The following RCOR1 variants were observed in gnomAD, a reference collection of about 807,000 sequenced individuals.
RCOR1 encodes the protein REST corepressor.
Under a neutral mutation model 64.0 loss-of-function variants are expected in RCOR1, and 12 were observed. The observed-to-expected ratio is 0.19, with a 90% CI of 0.12 to 0.30. The LOEUF (loss-of-function observed/expected upper bound fraction) is 0.30. Ranked by LOEUF, RCOR1 falls within the 10% of genes least tolerant of loss-of-function variation. RCOR1 has a pLI of 1.00. For synonymous variants in RCOR1, 279 were observed against 227.2 expected, an observed-to-expected ratio of 1.23 and a Z score of -2.05; for missense variants, 502 against 621.2, an observed-to-expected ratio of 0.81 and a Z score of 2.04.
At chr14:102,598,265 T>G (rs1041723380) in intron 2 of RCOR1, among the ~76,000 whole-genome samples, 7 of 152,152 alleles carry the variant, frequency 4.6e-5, no homozygotes, top group Non-Finnish European at 8.8e-5. Flanking sequence ...CTGATTTTTT[T>G]GTCAGATTTT....
intron 4 of RCOR1, among the ~76,000 whole-genome samples, chr14:102,702,865 T>A (rs1895778148): frequency 6.6e-6 from 1 of 152,058 alleles, no homozygotes; most frequent in Admixed American, 6.5e-5. Context: ...TAGAAAAAAA[T>A]TAATCAACAG....
chr14:102,695,114 T>C (rs989159449), intron 3 of RCOR1, among the ~76,000 whole-genome samples: 18 of 152,232 alleles, frequency 1.2e-4, no homozygotes, highest in African/African-American at 4.3e-4. Context: ...GCAATTTTCA[T>C]CTGCATTTCT....
chr14:102,593,654 C>T (rs902966400), intron 2 of RCOR1, among the ~76,000 whole-genome samples: 1 of 152,202 alleles, frequency 6.6e-6, no homozygotes, highest in Non-Finnish European at 1.5e-5. Context: ...AGCTGCGCCT[C>T]GGCCAGGGGT....
intron 8 of RCOR1, among the ~76,000 whole-genome samples, chr14:102,717,433 GCTT>G (rs765807952): frequency 6.6e-5 from 10 of 152,220 alleles, no homozygotes; most frequent in Non-Finnish European, 1.5e-4. Context: ...CAGAGGAGCG[GCTT>G]CTTCTTGTGG....
In RCOR1 at chr14:102,625,493, C is replaced by T. The variant is rs1000146423; in HGVS notation, c.361+32168C>T. On this transcript the variant is annotated intron_variant, in intron 2 of 11. Transcript: ENST00000262241. ...CAGGTAATCTCCCCGCTTCGGCCTC[C>T]CAAAGTGCTGGGATTACAGGCATGA... 3.3e-5 allele frequency among the ~76,000 whole-genome samples: 5 copies of T among 151,652 alleles called. No homozygotes were observed. The East Asian group carries it at 9.6e-4, about 29-fold the overall frequency.
chr14:102,687,583 TG>T (rs1044188575), intron 3 of RCOR1, among the ~76,000 whole-genome samples: 1 of 152,094 alleles, frequency 6.6e-6, no homozygotes. Flanking sequence ...ATTAGAACAA[TG>T]AGTTTAAATA....
At chr14:102,692,952 G>C (rs528674888) in intron 3 of RCOR1, among the ~76,000 whole-genome samples, 24 of 151,922 alleles carry the variant, frequency 1.6e-4, no homozygotes, top group Non-Finnish European at 3.5e-4. Flanking sequence ...TTTTAGTAGA[G>C]TTGGGGTTTC....
In RCOR1 at chr14:102,625,533, C is replaced by CT. The variant is rs1349751482; in HGVS notation, c.361+32223dup. On this transcript the variant is annotated intron_variant, in intron 2 of 11. Transcript: ENST00000262241. ...TACAGGCATGAGCAACCGCGCCTGG[C>CT]TTTTTTTTTTTTTTTAAATAGAGAC... Among the ~76,000 whole-genome samples, 337 of 138,562 alleles carry CT rather than the reference C, an allele frequency of 2.4e-3. 1 individual carries two copies. The highest frequency in any genetic ancestry group is 0.011 in the Middle Eastern group (3 of 262). The allele number at this position is 138,562 out of a possible 152,430, so 90.9% of individuals were successfully genotyped here.
chr14:102,682,264 GGA>G (rs914782152), intron 3 of RCOR1, among the ~76,000 whole-genome samples: 30 of 152,066 alleles, frequency 2.0e-4, no homozygotes, highest in African/African-American at 7.2e-4. Flanking sequence ...TGAATAGCTG[GGA>G]TTACAGGCAC....
intron 2 of RCOR1, among the ~76,000 whole-genome samples, chr14:102,599,295 G>T (rs1161126348): frequency 6.6e-6 from 1 of 151,936 alleles, no homozygotes; most frequent in African/African-American, 2.4e-5. Context: ...TGCCTGACTA[G>T]TTTTTTTGTA....
At chr14:102,668,703 AT>A (rs201090532) in intron 2 of RCOR1, among the ~76,000 whole-genome samples, 3,548 of 151,694 alleles carry the variant, frequency 0.023, 132 homozygotes, top group African/African-American at 0.076. Context: ...GTAAGTTAAG[AT>A]TTTTTTTTAA....
intron 2 of RCOR1, chr14:102,659,121 C>A (rs908294239): frequency 1.0e-6 from 1 of 984,984 alleles, no homozygotes; most frequent in East Asian, 1.1e-4. Flanking sequence ...GGTCTTTGCC[C>A]GTTATTCTAC....
intron 2 of RCOR1, chr14:102,662,178 A>G: frequency 2.4e-6 from 1 of 419,780 alleles, no homozygotes; most frequent in Non-Finnish European, 4.6e-6. Flanking sequence ...GCAACTTTTT[A>G]TTTTTTATTT....
intron 2 of RCOR1, among the ~76,000 whole-genome samples, chr14:102,633,569 T>C (rs1029670209): frequency 3.3e-5 from 5 of 152,114 alleles, no homozygotes; most frequent in Non-Finnish European, 7.3e-5. Context: ...AGACGGAGTT[T>C]TGCTCTGTCA....
rs1896160263 is a variant in RCOR1 at position 102,721,056 on chromosome 14, G to A, written c.1103G>A (p.Gly368Asp). Residue 368 changes from glycine to aspartate, a missense_variant, in exon 9 of 12, where the codon GGT (glycine) becomes GAT (aspartate). This residue lies in a region of RCOR1 where 260 missense variants were observed against 416.4 expected (regional missense o/e 0.62). Transcript: ENST00000262241. ...TNSALKEKLD[G>D]GIEPYRLPEV... Reference sequence around the variant, plus strand: ...AGTGCTCTCAAAGAAAAACTTGATGGTGGAATAGAACCATATCGACTTCCA... The same window carrying A: ...AGTGCTCTCAAAGAAAAACTTGATGATGGAATAGAACCATATCGACTTCCA... 6.3e-7 allele frequency: 1 copy of A among 1,580,262 alleles called. No individual in the cohort carries two copies.
At chr14:102,698,770 C>G (rs1029984589) in intron 3 of RCOR1, among the ~76,000 whole-genome samples, 3 of 152,212 alleles carry the variant, frequency 2.0e-5, no homozygotes, top group Non-Finnish European at 2.9e-5. Flanking sequence ...TTACCTGTGT[C>G]TCTCTGCAGG....
At chr14:102,625,214 C>G (rs1445879605) in intron 2 of RCOR1, among the ~76,000 whole-genome samples, 4 of 148,966 alleles carry the variant, frequency 2.7e-5, no homozygotes, top group East Asian at 3.9e-4. Context: ...CTCTTGCATT[C>G]CAGGTCTATC....
intron 2 of RCOR1, among the ~76,000 whole-genome samples, chr14:102,673,568 C>A (rs1380678953): frequency 1.3e-5 from 2 of 151,892 alleles, no homozygotes; most frequent in South Asian, 2.1e-4. Flanking sequence ...ATCTCCTGAC[C>A]TTGTGATCCG....
At chr14:102,627,557 T>C (rs1199723386) in intron 2 of RCOR1, among the ~76,000 whole-genome samples, 1 of 151,714 alleles carries the variant, frequency 6.6e-6, no homozygotes, top group Non-Finnish European at 1.5e-5. Flanking sequence ...CTCAGGAGAC[T>C]GAGGCAGGAG....
Sources: allele counts gnomAD v4.1 joint callset (sites outside exome capture counted in the v4.1 genomes callset), GRCh38; gene constraint gnomAD v4.1.1; regional missense constraint gnomAD v4.1.1; transcripts MANE v1.5; gene names NCBI Gene and HGNC (gene_info 2026-07-23, HGNC 2026-07-21).